The following NPIPB2 variants were observed in gnomAD, a reference collection of about 807,000 sequenced individuals.
NPIPB2 encodes the protein nuclear pore complex-interacting protein family member B2.
In NPIPB2, 27 loss-of-function variants were observed where a neutral mutation model predicts 30.8. The ratio of observed to expected loss-of-function variants is 0.88; its 90% CI spans 0.65 to 1.21. The LOEUF (loss-of-function observed/expected upper bound fraction) is 1.21. NPIPB2 is among the 50% of genes most tolerant of loss of function. NPIPB2 has a pLI of 0.00. For synonymous variants in NPIPB2, 147 were observed against 162.0 expected (o/e 0.91, Z 0.70); for missense variants, 440 against 446.2 (o/e 0.99, Z 0.13).
intron 1 of NPIPB2, among the ~76,000 whole-genome samples, chr16:11,952,171 A>AAAAC (rs1348571584): frequency 1.9e-3 from 16 of 8,564 alleles, no homozygotes; most frequent in Admixed American, 0.019. Flanking sequence ...AAACAAAAAC[A>AAAAC]AAACAAAAAA....
chr16:11,933,285 A>G (rs1327179053), intron 4 of NPIPB2, among the ~76,000 whole-genome samples: 1 of 152,102 alleles, frequency 6.6e-6, no homozygotes, highest in Non-Finnish European at 1.5e-5. Flanking sequence ...GAGAAAGGAA[A>G]ACCAATGCCA....
At chr16:11,970,676 C>T (rs561928150) in intron 1 of NPIPB2, among the ~76,000 whole-genome samples, 1 of 152,082 alleles carries the variant, frequency 6.6e-6, no homozygotes, top group African/African-American at 2.4e-5. Flanking sequence ...ACTGGGATTA[C>T]AGGCACCTGC....
exon 1 of NPIPB2, chr16:11,976,591 C>G (rs1383478726): frequency 5.5e-6 from 2 of 363,646 alleles, no homozygotes; most frequent in East Asian, 4.1e-5. Context: ...CCCGCGTAGC[C>G]TCAGCACCGC....
At chr16:11,932,414 G>C (rs562864505) in intron 4 of NPIPB2, among the ~76,000 whole-genome samples, 302 of 150,902 alleles carry the variant, frequency 2.0e-3, no homozygotes, top group African/African-American at 6.8e-3. Flanking sequence ...GGCTGAGGTA[G>C]GCAGATCACC....
chr16:11,927,400 C>T, exon 8 of NPIPB2: 1 of 976,892 alleles, frequency 1.0e-6, no homozygotes, highest in South Asian at 1.4e-5. Context: ...GGCCTGTTCT[C>T]AGCTTACTCA....
chr16:11,953,877 C>G (rs578123779), intron 1 of NPIPB2, among the ~76,000 whole-genome samples: 1 of 151,590 alleles, frequency 6.6e-6, no homozygotes, highest in Non-Finnish European at 1.5e-5. Context: ...GATTTCACCA[C>G]GTTGGCCAGG....
chr16:11,956,740 C>G (rs892527112), intron 1 of NPIPB2, among the ~76,000 whole-genome samples: 5 of 152,202 alleles, frequency 3.3e-5, no homozygotes, highest in African/African-American at 1.2e-4. Flanking sequence ...TGACTGAGAA[C>G]CAGATGCTCA....
exon 1 of NPIPB2, chr16:11,976,609 A>AC (rs1306924788): frequency 1.4e-5 from 5 of 368,282 alleles, no homozygotes; most frequent in Admixed American, 9.3e-5. Context: ...CGCTCTCCAC[A>AC]CCGGGTCCGG....
At chr16:11,948,781 A>AG (rs1215015439) in intron 1 of NPIPB2, among the ~76,000 whole-genome samples, 1 of 150,262 alleles carries the variant, frequency 6.7e-6, no homozygotes, top group Non-Finnish European at 1.5e-5. Context: ...AAAAAAAAAA[A>AG]AAAAAAAAAA....
intron 1 of NPIPB2, among the ~76,000 whole-genome samples, chr16:11,958,627 G>A (rs1279650313): frequency 2.0e-5 from 3 of 152,038 alleles, no homozygotes; most frequent in African/African-American, 7.2e-5. Context: ...TGCAGTCCCG[G>A]CTACTCAGGG....
upstream of NPIPB2, among the ~76,000 whole-genome samples, chr16:11,943,472 G>A (rs1390281910): frequency 6.6e-6 from 1 of 152,150 alleles, no homozygotes; most frequent in Admixed American, 6.6e-5. Context: ...GGGAGGCTGA[G>A]GCAGGCGGAT....
Position 11,953,865 on chromosome 16 carries a change from G to C in NPIPB2, c.-583-11751C>G, listed in dbSNP as rs199678540. Among the ~76,000 whole-genome samples the C allele has an allele frequency of 2.4e-4, 36 of 151,406 alleles. No homozygotes were observed. In the East Asian group the frequency reaches 6.2e-3, roughly 26 times the overall value. On this transcript the variant is annotated intron_variant, in intron 1 of 5. Transcript: ENST00000538896. ...TAATTTTTGTATTTTTAGTAGAGAC[G>C]GGATTTCACCACGTTGGCCAGGCTA...
chr16:11,975,124 C>G (rs1260024957), intron 1 of NPIPB2, among the ~76,000 whole-genome samples: 1 of 133,218 alleles, frequency 7.5e-6, no homozygotes, highest in African/African-American at 2.8e-5. Context: ...CACTTGTGTT[C>G]ACACTCAATC....
chr16:11,965,110 A>C (rs2055182819), intron 1 of NPIPB2: 1 of 593,284 alleles, frequency 1.7e-6, no homozygotes, highest in Admixed American at 3.1e-5. Context: ...CCCATCCAAG[A>C]CTCAAACTTA....
intron 1 of NPIPB2, among the ~76,000 whole-genome samples, chr16:11,948,885 C>G (rs894360607): frequency 2.0e-5 from 3 of 151,316 alleles, no homozygotes; most frequent in African/African-American, 7.3e-5. Context: ...TGTCGGTAAT[C>G]CTAGCACTTC....
chr16:11,959,181 C>G (rs2150934335), intron 1 of NPIPB2, among the ~76,000 whole-genome samples: 1 of 152,208 alleles, frequency 6.6e-6, no homozygotes, highest in East Asian at 1.9e-4. Flanking sequence ...GTACTGGATT[C>G]CTCACTGTTC....
intron 2 of NPIPB2, 40 bp from the exon 3 acceptor site, chr16:11,933,964 G>A (rs535666185): frequency 4.0e-5 from 59 of 1,464,278 alleles, no homozygotes; most frequent in Middle Eastern, 2.4e-4. Flanking sequence ...TGGGCACGGT[G>A]GTTCATGCGT....
rs540349865 is a variant in NPIPB2 at position 11,968,147 on chromosome 16, T to A, written c.-584+8421A>T. 5.3e-5 allele frequency: 15 copies of A among 284,818 alleles called. No homozygotes were observed. The South Asian group carries it at 8.5e-4, about 16-fold the overall frequency. The allele number at this position is 284,818 out of a possible 1,614,324, so 17.6% of individuals were successfully genotyped here. On this transcript the variant is annotated intron_variant, in intron 1 of 5. Coordinates refer to the NPIPB2 transcript ENST00000538896. ...GGGGGGTGAGGGTGGGAGAGAAAGG[T>A]GGGAGGGGGAAAGAATTCTAACCTA...
upstream of NPIPB2, among the ~76,000 whole-genome samples, chr16:11,943,500 G>A (rs1044117846): frequency 2.0e-5 from 3 of 151,640 alleles, no homozygotes; most frequent in African/African-American, 4.9e-5. Context: ...TTAGGAGTTC[G>A]AGACCAGACT....
Sources: gnomAD v4.1 joint callset for allele counts (sites outside exome capture counted in the v4.1 genomes callset) on GRCh38, gnomAD v4.1.1 for gene constraint, MANE v1.5 for transcripts, NCBI Gene and HGNC (gene_info 2026-07-23, HGNC 2026-07-21) for gene names.